CCDC50: variants seen among roughly 807,000 people sequenced by gnomAD.
CCDC50 encodes coiled-coil domain-containing protein 50.
A neutral mutation model predicts 70.2 loss-of-function variants in CCDC50; 54 were observed. The observed-to-expected ratio is 0.77, with a 90% CI of 0.62 to 0.96. The LOEUF (loss-of-function observed/expected upper bound fraction) is 0.96, where lower values mean the gene tolerates loss of function less well. CCDC50 is among the 50% of genes least tolerant of loss of function. The pLI is 0.00. For synonymous variants in CCDC50, 216 were observed against 198.8 expected (o/e 1.09, Z -0.73); for missense variants, 558 against 578.7 (o/e 0.96, Z 0.37).
chr3:191,373,497 G>C (rs1712984768), intron 5 of CCDC50, among the ~76,000 whole-genome samples: 2 of 152,070 alleles, frequency 1.3e-5, no homozygotes, highest in Admixed American at 1.3e-4. Flanking sequence ...GACTTCACTT[G>C]TGCAACTCTG....
intron 3 of CCDC50, among the ~76,000 whole-genome samples, chr3:191,359,581 C>G (rs1712412898): frequency 6.6e-6 from 1 of 152,116 alleles, no homozygotes; most frequent in Non-Finnish European, 1.5e-5. Context: ...TTGAAGGCAG[C>G]TGTTGAGCAA....
At chr3:191,346,983 G>T (rs1711949632) in intron 1 of CCDC50, among the ~76,000 whole-genome samples, 1 of 101,302 alleles carries the variant, frequency 9.9e-6, no homozygotes, top group Admixed American at 1.0e-4. Flanking sequence ...ATTATTATTG[G>T]AAATAGGATT....
chr3:191,348,305 C>T (rs17838893), intron 1 of CCDC50, among the ~76,000 whole-genome samples: 15,512 of 141,166 alleles, frequency 0.11, 2,773 homozygotes, highest in East Asian at 0.25. Context: ...ATTTGCAAGC[C>T]TCTCCCATTC....
chr3:191,379,644 C>T (rs1431360210), intron 6 of CCDC50, among the ~76,000 whole-genome samples: 1 of 152,044 alleles, frequency 6.6e-6, no homozygotes, highest in Non-Finnish European at 1.5e-5. Flanking sequence ...ATGGCAGGAC[C>T]ACTGCTTGTC....
At chr3:191,336,726 A>G (rs563722648) in intron 1 of CCDC50, among the ~76,000 whole-genome samples, 2 of 152,204 alleles carry the variant, frequency 1.3e-5, no homozygotes, top group African/African-American at 4.8e-5. Flanking sequence ...CAGACTATGT[A>G]CTCAGACTTA....
intron 9 of CCDC50, among the ~76,000 whole-genome samples, chr3:191,381,561 A>G (rs1713320533): frequency 6.6e-6 from 1 of 152,152 alleles, no homozygotes; most frequent in East Asian, 1.9e-4. Flanking sequence ...TTTATTCATC[A>G]GTGACAGCGC....
At position 191,398,231 on chromosome 3, in the gene CCDC50, A is replaced by C. The variant is rs562451481; in HGVS notation, c.*6471A>C. 6.6e-6 allele frequency: 1 copy of C among 152,208 alleles called. No homozygotes were observed. Among genetic ancestry groups the C allele is most frequent in the Non-Finnish European group, 1.5e-5 (1 of 68,036 alleles). The allele number at this position is 152,208 out of a possible 1,614,324, so 9.4% of individuals were successfully genotyped here. On this transcript the variant is annotated 3_prime_UTR_variant, in exon 12 of 12. Transcript: ENST00000392455. ...TACATCTACATTAATTCATCTATGC[A>C]AACTTGTGTTTTCATGGTTTGTTTT...
chr3:191,355,688 G>T (rs1459891676), intron 1 of CCDC50, among the ~76,000 whole-genome samples: 1 of 152,162 alleles, frequency 6.6e-6, no homozygotes, highest in African/African-American at 2.4e-5. Flanking sequence ...ACTAGGACCT[G>T]GGCTTCAAGA....
chr3:191,380,846 A>G lies in CCDC50; in HGVS notation c.1156A>G (p.Met386Val), dbSNP rs772679997. The stretch of plus-strand genomic sequence containing the variant: ...TGTTTAGGAAATCGCTCGACTTCTA[A>G]TGGCTGAAGAAAAGAAAGCTTACAA... Reference protein sequence around the residue: ...AQDEEIARLLMAEEKKAYKKA... With the variant: ...AQDEEIARLLVAEEKKAYKKA... Residue 386 changes from methionine to valine, a missense_variant, in exon 9 of 12, where the codon ATG becomes GTG. Transcript: ENST00000392455. The G allele has an allele frequency of 1.1e-5, 18 of 1,612,862 alleles. No individual in the cohort carries two copies. The East Asian group carries it at 3.3e-4, about 30-fold the overall frequency.
intron 1 of CCDC50, among the ~76,000 whole-genome samples, chr3:191,334,744 G>A (rs575968805): frequency 2.6e-5 from 4 of 151,888 alleles, no homozygotes; most frequent in Admixed American, 1.3e-4. Context: ...CTGTAGATGC[G>A]AAAGATTCAT....
rs144842284 is a variant in CCDC50, at chr3:191,331,324, C to T, written c.49+1601C>T. Among the ~76,000 whole-genome samples, 21 of 152,280 alleles carry T rather than the reference C, an allele frequency of 1.4e-4. No homozygotes were observed. The East Asian group carries it at 3.9e-3, about 28-fold the overall frequency. ...GAAAAAACATAAAACTCTTCATATA[C>T]ATTTATATTACCCTTAGGTCTTCTG... On this transcript the variant is annotated intron_variant, in intron 1 of 11. Coordinates refer to ENST00000392455, the MANE Select transcript of CCDC50 (RefSeq NM_178335.3).
chr3:191,365,088 ATGTG>A (rs111869044), intron 4 of CCDC50, among the ~76,000 whole-genome samples: 4 of 151,474 alleles, frequency 2.6e-5, no homozygotes, highest in Admixed American at 2.0e-4. Flanking sequence ...GCATGACTAG[ATGTG>A]TGTGTGTGTT....
Position 191,359,972 on chromosome 3 carries a change from G to A in CCDC50, c.240-1097G>A, listed in dbSNP as rs551188613. Among the ~76,000 whole-genome samples the A allele has an allele frequency of 9.9e-5, 15 of 152,282 alleles. No individual in the cohort carries two copies. The East Asian group carries it at 2.3e-3, about 23-fold the overall frequency. ...ATAGGTCCTAAAGGAGAGAAGAACC[G>A]GGTATTATATTTCTGCCTGAGACTT... On this transcript the variant is annotated intron_variant, in intron 3 of 11. Transcript: ENST00000392455.
chr3:191,370,231 T>C lies in CCDC50; in HGVS notation c.448+195T>C, dbSNP rs1176104415. ...GTTTTGTTTTGTTTTGTTTTTATTA[T>C]ACTTTAAGTTTTAGGGTACATGTGC... On this transcript the variant is annotated intron_variant, in intron 5 of 11. Coordinates refer to ENST00000392455, the MANE Select transcript of CCDC50 (RefSeq NM_178335.3). 1.6e-5 allele frequency: 8 copies of C among 495,976 alleles called. 1 individual carries two copies. Among genetic ancestry groups the C allele is most frequent in the South Asian group, 1.5e-4 (8 of 51,762 alleles). The allele number at this position is 495,976 out of a possible 1,614,324, so 30.7% of individuals were successfully genotyped here. A position where few individuals can be genotyped will look rare whatever the true frequency, so the allele number is the denominator to read the frequency against.
rs991926301 is a variant in CCDC50, at chr3:191,396,927, A to T, written c.*5167A>T. ...ACACTGCCTAGTAACATTTTAATAGATTTAAGATGCATTTGTACATTCTCA... is the reference window on the plus strand; with the variant it reads ...ACACTGCCTAGTAACATTTTAATAGTTTTAAGATGCATTTGTACATTCTCA... On this transcript the variant is annotated 3_prime_UTR_variant, in exon 12 of 12. Transcript: ENST00000392455. 3 of 152,180 alleles carry T rather than the reference A, an allele frequency of 2.0e-5. No homozygotes were observed. Among genetic ancestry groups the T allele is most frequent in the African/African-American group, 7.2e-5 (3 of 41,444 alleles). 9.4% of individuals were successfully genotyped at this position (152,180 alleles called of 1,614,324 possible). A position where few individuals can be genotyped will look rare whatever the true frequency, so the allele number is the denominator to read the frequency against.
At chr3:191,383,844 A>G (rs1349825212) in intron 10 of CCDC50, among the ~76,000 whole-genome samples, 2 of 152,168 alleles carry the variant, frequency 1.3e-5, no homozygotes, top group East Asian at 1.9e-4. Context: ...CATGCCAAAC[A>G]TTTTCTTAGA....
chr3:191,358,834 G>A (rs975050138), intron 3 of CCDC50, among the ~76,000 whole-genome samples: 1 of 152,184 alleles, frequency 6.6e-6, no homozygotes, highest in Non-Finnish European at 1.5e-5. Context: ...TGTTGAGGAG[G>A]AAGGGGTAAA....
intron 4 of CCDC50, among the ~76,000 whole-genome samples, chr3:191,364,073 T>TC (rs1489844715): frequency 2.0e-4 from 29 of 144,560 alleles, no homozygotes; most frequent in African/African-American, 6.7e-4. Flanking sequence ...TCTTAGTTCT[T>TC]ATTTTTTTTT....
intron 1 of CCDC50, among the ~76,000 whole-genome samples, chr3:191,334,732 T>C (rs1718087783): frequency 1.3e-5 from 2 of 152,198 alleles, no homozygotes; most frequent in East Asian, 1.9e-4. Flanking sequence ...TTTTAAATTG[T>C]TCTGTAGATG....
Sources: allele counts gnomAD v4.1 joint callset (sites outside exome capture counted in the v4.1 genomes callset), GRCh38; gene constraint gnomAD v4.1.1; transcripts MANE v1.5; gene names NCBI Gene and HGNC (gene_info 2026-07-23, HGNC 2026-07-21).